PSG7: variants seen among roughly 807,000 people sequenced by gnomAD.
PSG7 encodes pregnancy specific beta-1-glycoprotein 7.
PSG7 carries 57 observed loss-of-function variants against 45.6 expected under a neutral mutation model. That is an observed-to-expected ratio of 1.25 (90% CI 1.01 to 1.56). The LOEUF is 1.56. PSG7 is among the 40% of genes most tolerant of loss of function. PSG7 has a pLI of 0.00. For synonymous variants in PSG7, 298 were observed against 194.4 expected (o/e 1.53, Z -4.43); for missense variants, 796 against 508.4 (o/e 1.57, Z -5.44).
chr19:42,929,937 A>G (rs996805736), intron 2 of PSG7, among the ~76,000 whole-genome samples: 6 of 151,528 alleles, frequency 4.0e-5, no homozygotes, highest in Non-Finnish European at 7.4e-5. Flanking sequence ...GACTTTCTCA[A>G]GTGTGAATTG....
intron 2 of PSG7, among the ~76,000 whole-genome samples, chr19:42,931,888 T>C (rs569548212): frequency 6.9e-6 from 1 of 144,112 alleles, no homozygotes; most frequent in East Asian, 1.9e-4. Flanking sequence ...GTTGTTCCAC[T>C]TTTTTTCCCC....
intron 5 of PSG7, 65 bp downstream of exon 5, chr19:42,925,708 T>G: frequency 2.5e-6 from 4 of 1,608,378 alleles, no homozygotes; most frequent in Non-Finnish European, 3.4e-6. Flanking sequence ...TTTCCTGACT[T>G]TTCTCTGAAA....
intron 3 of PSG7, chr19:42,926,924 A>G (rs1972907322): frequency 9.8e-7 from 1 of 1,025,426 alleles, no homozygotes; most frequent in Non-Finnish European, 1.4e-6. Context: ...GGAAGCATAG[A>G]CTTTCTCAAG....
intron 2 of PSG7, among the ~76,000 whole-genome samples, chr19:42,933,307 A>ATTTTTTTTTT (rs397965905): frequency 1.2e-3 from 16 of 13,502 alleles, no homozygotes; most frequent in Admixed American, 3.1e-3. Flanking sequence ...ATATATATAT[A>ATTTTTTTTTT]TTTTTTTTTT....
Position 42,924,521 on chromosome 19 carries a change from G to T in PSG7, c.*287C>A. The T allele has an allele frequency of 1.7e-6, 1 of 586,444 alleles. No individual in the cohort carries two copies. The highest frequency in any genetic ancestry group is 2.3e-5 in the South Asian group (1 of 44,016). The allele number at this position is 586,444 out of a possible 1,614,324, so 36.3% of individuals were successfully genotyped here. On this transcript the variant is annotated 3_prime_UTR_variant, in exon 6 of 6. Transcript: ENST00000406070. ...CAGGCACAAGCAAGGACAGCTAAGA[G>T]GGGTGAGAGCCTCATCATGATGGGG...
rs761507646 is a variant in PSG7, at chr19:42,929,770, T to A, written c.431-50A>T. 11 of 1,573,236 alleles carry A rather than the reference T, an allele frequency of 7.0e-6. No individual in the cohort carries two copies. In the South Asian group the frequency reaches 1.3e-4, roughly 19 times the overall value. The stretch of plus-strand genomic sequence containing the variant: ...TGCCCTGTGTGGCACCTTTGACTCC[T>A]CCAAAGGCATTTTTCAATCAGAGTT... On this transcript the variant is annotated intron_variant, in intron 2 of 5. Transcript: ENST00000406070.
rs1429625346 is a variant in PSG7, at chr19:42,929,654, A to C, written c.497T>G (p.Ile166Ser). 22 of 1,612,504 alleles carry C rather than the reference A, an allele frequency of 1.4e-5. 1 individual carries two copies. Among genetic ancestry groups the C allele is most frequent in the Non-Finnish European group, 1.9e-5 (22 of 1,179,202 alleles). ...TGGAGTCTCAGGATCACAGGTTAAA[A>C]TCACAGCCTCCGTGGCCTCCCTGGG... ...FNPREATEAV[I>S]LTCDPETPDA... The change falls in exon 3 of 6, where the codon ATT (isoleucine) becomes AGT (serine). Residue 166 changes from isoleucine (I) to serine (S), a missense_variant. Physicochemically the swap from Ile to Ser is moderately radical, Grantham distance 142 (BLOSUM62 -2). Transcript: ENST00000406070.
rs1254044203 is a variant in PSG7, at chr19:42,926,843, G to GA, written c.710-128_710-127insT. ...GAGTCCTTGAAAGCCAATAGCTGGT[G>GA]TGTGTGTCACAAGGTAGATGCATGA... On this transcript the variant is annotated intron_variant, in intron 3 of 5. Coordinates refer to ENST00000406070, the MANE Select transcript of PSG7 (RefSeq NM_002783.3). 2 of 1,474,214 alleles carry GA rather than the reference G, an allele frequency of 1.4e-6. 1 individual carries two copies. The highest frequency in any genetic ancestry group is 1.8e-6 in the Non-Finnish European group (2 of 1,091,288). The allele number at this position is 1,474,214 out of a possible 1,614,324, so 91.3% of individuals were successfully genotyped here.
chr19:42,928,728 C>T (rs1200195988), intron 3 of PSG7, among the ~76,000 whole-genome samples: 1 of 151,310 alleles, frequency 6.6e-6, no homozygotes. Context: ...TGGCTCTTCC[C>T]TGATAGCCAG....
At chr19:42,936,982 C>T in intron 1 of PSG7, 31 bp downstream of exon 1, 6 of 1,608,444 alleles carry the variant, frequency 3.7e-6, no homozygotes, top group Non-Finnish European at 5.1e-6. Flanking sequence ...GCTTCCTTTT[C>T]CTGTCCTCTC....
At chr19:42,925,624 C>G in intron 5 of PSG7, 149 bp downstream of exon 5, 2 of 1,509,484 alleles carry the variant, frequency 1.3e-6, no homozygotes, top group Non-Finnish European at 1.8e-6. Context: ...AGTTCTTAGA[C>G]AAATTTGGAG....
chr19:42,931,136 A>C (rs1973011370), intron 2 of PSG7, among the ~76,000 whole-genome samples: 1 of 151,658 alleles, frequency 6.6e-6, no homozygotes, highest in African/African-American at 2.4e-5. Context: ...TCAGGAGTTT[A>C]GACCTCAGGT....
intron 3 of PSG7, among the ~76,000 whole-genome samples, chr19:42,928,927 A>T (rs1972954495): frequency 6.6e-6 from 1 of 151,562 alleles, no homozygotes. Context: ...ACTTCCCATC[A>T]ATCAGCCAAG....
In PSG7 at chr19:42,937,198, G is replaced by A. The variant is rs918477493; in HGVS notation, c.-122C>T. 101 of 1,413,948 alleles carry A rather than the reference G, an allele frequency of 7.1e-5. 2 individuals carry two copies. Among genetic ancestry groups the A allele is most frequent in the Middle Eastern group, 1.9e-4 (1 of 5,196 alleles). 87.6% of individuals were successfully genotyped at this position (1,413,948 alleles called of 1,614,324 possible). ...TGCACTGAGCCTCTTCCCGGGGCAG[G>A]AGCACTTCTCAAGCTCATGGGTGGG... is the stretch of plus-strand genomic sequence containing the variant. On this transcript the variant is annotated 5_prime_UTR_variant, in exon 1 of 6. Coordinates refer to ENST00000406070, the MANE Select transcript of PSG7 (RefSeq NM_002783.3).
At position 42,925,987 on chromosome 19, in the gene PSG7, A is replaced by T; in HGVS notation, c.1029T>A (p.Tyr343Ter). ...AGTAGAGGTTTTGTCCTGAATGGTA[A>T]TAGGTGAATGAAGGGTAAATTCTGG... ...DLPRIYPSFT[Y>*]YHSGQNLYLS... The change falls in exon 5 of 6, where the codon TAT becomes TAA. Residue 343 changes from tyrosine to a stop codon, truncating the protein, a stop_gained. Transcript: ENST00000406070. LOFTEE classifies it high-confidence loss of function. 1 of 1,612,120 alleles carries T rather than the reference A, an allele frequency of 6.2e-7. No homozygotes were observed. The highest frequency in any genetic ancestry group is 2.2e-5 in the East Asian group (1 of 44,814).
intron 2 of PSG7, among the ~76,000 whole-genome samples, chr19:42,932,530 C>T (rs1312329010): frequency 6.6e-6 from 1 of 151,318 alleles, no homozygotes; most frequent in African/African-American, 2.4e-5. Context: ...TTGGGAACTG[C>T]AGGCCCTTCC....
rs146582147 is a variant in PSG7 at position 42,935,978 on chromosome 19, G to C, written c.65-209C>G. Among the ~76,000 whole-genome samples, 2 of 150,398 alleles carry C rather than the reference G, an allele frequency of 1.3e-5. 1 individual carries two copies. The highest frequency in any genetic ancestry group is 3.0e-5 in the Non-Finnish European group (2 of 67,610). On this transcript the variant is annotated intron_variant, in intron 1 of 5. Transcript: ENST00000406070. ...CTGTGTGTGTCCTACTGTCCTACTA[G>C]GTCAAGGTCAGCAGCATGACCCCCA...
chr19:42,924,725 G>C lies in PSG7; in HGVS notation c.*83C>G. On this transcript the variant is annotated 3_prime_UTR_variant, in exon 6 of 6. Coordinates refer to ENST00000406070, the MANE Select transcript of PSG7 (RefSeq NM_002783.3). The stretch of plus-strand genomic sequence containing the variant: ...AATTTACATTGAGTTGTCCAACTCT[G>C]ACTTATAGGGCTTCTGGAACAGAGT... The C allele has an allele frequency of 1.3e-6, 1 of 767,118 alleles. No individual in the cohort carries two copies. Among genetic ancestry groups the C allele is most frequent in the Admixed American group, 1.7e-5 (1 of 58,852 alleles). The allele number at this position is 767,118 out of a possible 1,614,324, so 47.5% of individuals were successfully genotyped here. A position where few individuals can be genotyped will look rare whatever the true frequency, so the allele number is the denominator to read the frequency against.
Position 42,928,452 on chromosome 19 carries a change from A to G in PSG7, c.709+990T>C, listed in dbSNP as rs140609328. Among the ~76,000 whole-genome samples the G allele has an allele frequency of 2.5e-3, 373 of 151,604 alleles. 10 individuals carry two copies. Among genetic ancestry groups the G allele is most frequent in the African/African-American group, 7.4e-3 (305 of 41,294 alleles). On this transcript the variant is annotated intron_variant, in intron 3 of 5. Coordinates refer to ENST00000406070, the MANE Select transcript of PSG7 (RefSeq NM_002783.3). ...TTTCCATATATTGATATCATCTTTA[A>G]TTTGTTTCAGGAAGGTTTGTAGTTT...
Sources: allele counts gnomAD v4.1 joint callset (sites outside exome capture counted in the v4.1 genomes callset), GRCh38; gene constraint gnomAD v4.1.1; transcripts MANE v1.5; gene names NCBI Gene and HGNC (gene_info 2026-07-23, HGNC 2026-07-21).